TSC2: variants seen among roughly 807,000 people sequenced by gnomAD.
TSC2 encodes tuberin.
In TSC2, 29 loss-of-function variants were observed where a neutral mutation model predicts 202.2. The ratio of observed to expected loss-of-function variants is 0.14; its 90% confidence interval spans 0.11 to 0.20. The LOEUF is 0.20. Ranked by LOEUF, TSC2 falls within the 10% of genes least tolerant of loss-of-function variation. The pLI is 1.00. For synonymous variants in TSC2, 1,349 were observed against 1,044.0 expected, an observed-to-expected ratio of 1.29 and a Z score of -5.63; for missense variants, 2,429 against 2,420.0, an observed-to-expected ratio of 1.00 and a Z score of -0.08.
rs140910086 is a variant in TSC2, at chr16:2,060,683, C to T, written c.989C>T (p.Pro330Leu). The T allele has an allele frequency of 6.8e-5, 109 of 1,613,960 alleles. No homozygotes were observed. The highest frequency in any genetic ancestry group is 8.2e-5 in the Non-Finnish European group (97 of 1,180,028). The change falls in exon 11 of 42, where the codon CCG becomes CTG. Residue 330 changes from proline to leucine, a missense_variant. Coordinates refer to ENST00000219476, the MANE Select transcript of TSC2 (RefSeq NM_000548.5). ...LPSFYQAMAC[P>L]NEVVSYEIVL... Reference sequence around the variant, plus strand: ...CTCGTGTTCCAGGCCATGGCATGTCCGAACGAGGTGGTGTCCTATGAGATC... The same window carrying T: ...CTCGTGTTCCAGGCCATGGCATGTCTGAACGAGGTGGTGTCCTATGAGATC...
Position 2,084,677 on chromosome 16 carries a change from A to T in TSC2, c.4455A>T (p.Thr1485=). 6.3e-7 allele frequency: 1 copy of T among 1,598,698 alleles called. No homozygotes were observed. Among genetic ancestry groups the T allele is most frequent in the East Asian group, 2.2e-5 (1 of 44,856 alleles). Residue 1485 remains threonine (T), a synonymous_variant, in exon 34 of 42, where the codon ACA becomes ACT. Transcript: ENST00000219476. The part of the protein sequence containing the change: ...VERDALKSRA[T]ASNAEKVPGI... ...GGGACGCCTTAAAGAGCAGAGCCAC[A>T]GCCTCCAATGCAGAGAAAGTGCCAG...
chr16:2,070,162 G>A (rs1380294382), intron 16 of TSC2, among the ~76,000 whole-genome samples: 3 of 152,130 alleles, frequency 2.0e-5, no homozygotes. Flanking sequence ...TCGCCCTGCA[G>A]CACACACTCC....
rs1327886668 is a variant in TSC2, at chr16:2,061,865, C to T, written c.1120-6C>T. ...TCAGCCTGTGTCATCGTGCCTGGTA[C>T]TGCAGACCTTGGACAGCCCGGAGCT... is the stretch of plus-strand genomic sequence containing the variant. On this transcript the variant is annotated splice_polypyrimidine_tract_variant and splice_region_variant and intron_variant, in intron 11 of 41. Transcript: ENST00000219476. 1.9e-6 allele frequency: 3 copies of T among 1,613,988 alleles called. No homozygotes were observed. Among genetic ancestry groups the T allele is most frequent in the Non-Finnish European group, 2.5e-6 (3 of 1,180,034 alleles).
chr16:2,048,857 C>G, intron 2 of TSC2, 104 bp downstream of exon 2: 1 of 1,517,958 alleles, frequency 6.6e-7, no homozygotes, highest in Non-Finnish European at 9.1e-7. Context: ...TGGCAACTGT[C>G]TACACAGGAA....
chr16:2,081,450 G>C, intron 30 of TSC2, 145 bp from the exon 31 acceptor site: 1 of 1,090,952 alleles, frequency 9.2e-7, no homozygotes, highest in Non-Finnish European at 1.4e-6. Context: ...CGTCAGAGCA[G>C]CGCTGGCTCC....
chr16:2,077,054 C>T (rs537728077), intron 25 of TSC2, among the ~76,000 whole-genome samples: 1 of 152,372 alleles, frequency 6.6e-6, no homozygotes, highest in Non-Finnish European at 1.5e-5. Flanking sequence ...TTTGGCTTTC[C>T]CTAGATGGGA....
Position 2,084,977 on chromosome 16 carries a change from C to G in TSC2, c.4520C>G (p.Ser1507Cys), listed in dbSNP as rs746246149. 5 of 1,613,356 alleles carry G rather than the reference C, an allele frequency of 3.1e-6. No homozygotes were observed. The highest frequency in any genetic ancestry group is 4.2e-6 in the Non-Finnish European group (5 of 1,179,980). ...TTCGTGTTCCTGCAGCTCTACCATT[C>G]CCCCTTCTTTGGCGACGAGTCAAAC... is the stretch of plus-strand genomic sequence containing the variant. ...PSFVFLQLYH[S>C]PFFGDESNKP... The change falls in exon 35 of 42, where the codon TCC becomes TGC. Residue 1507 changes from serine (S) to cysteine (C), a missense_variant. Ser to Cys is a moderately radical substitution (Grantham distance 112). Transcript: ENST00000219476.
chr16:2,086,717 C>T lies in TSC2; in HGVS notation c.4850-15C>T, dbSNP rs373982002. 2.2e-5 allele frequency: 35 copies of T among 1,608,932 alleles called. No individual in the cohort carries two copies. Among genetic ancestry groups the T allele is most frequent in the Non-Finnish European group, 2.6e-5 (31 of 1,179,924 alleles). ...CACTGGCCCCACAAACCCATCCGGC[C>T]CTGCTCACCCTCAGCCGTCTTCCAC... On this transcript the variant is annotated splice_polypyrimidine_tract_variant and intron_variant, in intron 37 of 41. Transcript: ENST00000219476.
Position 2,076,345 on chromosome 16 carries a change from G to T in TSC2, c.2743-146G>T, listed in dbSNP as rs560484924. The stretch of plus-strand genomic sequence containing the variant: ...GCAGCCTGCAGGGCTTTGATGCGCG[G>T]CAGGCATTGAGGGGTGGGAGCTGGG... On this transcript the variant is annotated intron_variant, in intron 24 of 41. Transcript: ENST00000219476. 67 of 1,565,980 alleles carry T rather than the reference G, an allele frequency of 4.3e-5. 2 individuals carry two copies. In the South Asian group the frequency reaches 7.5e-4, roughly 18 times the overall value.
At position 2,070,535 on chromosome 16, in the gene TSC2, A is replaced by G. The variant is rs45517202; in HGVS notation, c.1796A>G (p.Lys599Arg). 1.2e-6 allele frequency: 2 copies of G among 1,613,304 alleles called. No individual in the cohort carries two copies. The highest frequency in any genetic ancestry group is 1.7e-5 in the Admixed American group (1 of 60,028). ...GTCAGCCACATTCAGCTCCACTACA[A>G]GCACAGCTACACCCTGCCAATCGCG... The part of the protein sequence containing the change: ...MLVSHIQLHY[K>R]HSYTLPIASS... The change falls in exon 17 of 42, where the codon AAG (lysine) becomes AGG (arginine). Residue 599 changes from lysine to arginine, a missense_variant. Coordinates refer to ENST00000219476, the MANE Select transcript of TSC2 (RefSeq NM_000548.5).
chr16:2,077,498 G>A, intron 25 of TSC2, 100 bp from the exon 26 acceptor site: 1 of 1,571,076 alleles, frequency 6.4e-7, no homozygotes. Context: ...TCCTGACCCT[G>A]TGGCCTGGGA....
intron 36 of TSC2, 80 bp downstream of exon 36, chr16:2,085,402 C>A: frequency 6.9e-7 from 1 of 1,454,608 alleles, no homozygotes; most frequent in Non-Finnish European, 9.6e-7. Context: ...GTCTGGGCCC[C>A]CAACGCCCCA....
At chr16:2,083,486 C>T in intron 32 of TSC2, 1 of 815,340 alleles carries the variant, frequency 1.2e-6, no homozygotes. Flanking sequence ...CCCGGGCACT[C>T]ATGCAGGAGA....
At chr16:2,086,062 G>C in intron 36 of TSC2, 131 bp from the exon 37 acceptor site, 1 of 1,066,550 alleles carries the variant, frequency 9.4e-7, no homozygotes, top group South Asian at 1.3e-5. Context: ...GTGGCTGCTG[G>C]AATGGATGGT....
chr16:2,088,395 A>G (rs2151635921), intron 41 of TSC2, 51 bp from the exon 42 acceptor site: 1 of 1,612,420 alleles, frequency 6.2e-7, no homozygotes, highest in East Asian at 2.2e-5. Context: ...GTGTGGGCAG[A>G]GCGGTTGCCA....
At chr16:2,076,464 A>C in intron 24 of TSC2, 27 bp from the exon 25 acceptor site, 1 of 1,612,526 alleles carries the variant, frequency 6.2e-7, no homozygotes, top group Non-Finnish European at 8.5e-7. Context: ...GCCACCCCTC[A>C]CTGTCTGGGT....
At chr16:2,053,749 G>A (rs960639527) in intron 4 of TSC2, 2 of 580,124 alleles carry the variant, frequency 3.4e-6, no homozygotes, top group African/African-American at 1.8e-5. Context: ...CTGGCAGCTG[G>A]TGTGGGGCTA....
rs878854117 is a variant in TSC2, at chr16:2,088,267, A to T, written c.5201A>T (p.Asp1734Val). The T allele has an allele frequency of 1.9e-6, 3 of 1,613,104 alleles. No individual in the cohort carries two copies. The highest frequency in any genetic ancestry group is 8.5e-7 in the Non-Finnish European group (1 of 1,180,006). ...CATCATAGCCGCTCCAACCCCACCG[A>T]TATCTACCCCTCCAAGTGGATTGCC... is the stretch of plus-strand genomic sequence containing the variant. Reference protein sequence around the residue: ...QVHHSRSNPTDIYPSKWIARL... With the variant: ...QVHHSRSNPTVIYPSKWIARL... Residue 1734 changes from aspartate to valine, a missense_variant, in exon 41 of 42, where the codon GAT becomes GTT. Physicochemically the swap from Asp to Val is radical, Grantham distance 152 (BLOSUM62 -3). Transcript: ENST00000219476.
At chr16:2,065,412 CAAAAAAAA>C (rs369052665) in intron 15 of TSC2, 99 bp from the exon 16 acceptor site, 8 of 420,692 alleles carry the variant, frequency 1.9e-5, no homozygotes, top group East Asian at 1.2e-4. Flanking sequence ...GACTCGATCT[CAAAAAAAA>C]AAAAAAAAAA....
Sources: gnomAD v4.1 joint callset for allele counts (sites outside exome capture counted in the v4.1 genomes callset) on GRCh38, gnomAD v4.1.1 for gene constraint, MANE v1.5 for transcripts, NCBI Gene and HGNC (gene_info 2026-07-23, HGNC 2026-07-21) for gene names.